Variants in HIPK2 observed in about 807,000 individuals in gnomAD.
HIPK2 encodes homeodomain interacting protein kinase 2.
A neutral mutation model predicts 113.7 loss-of-function variants in HIPK2; 27 were observed. That is an observed-to-expected ratio of 0.24 (90% CI 0.17 to 0.33). The LOEUF (loss-of-function observed/expected upper bound fraction) is 0.33. Among genes scored for constraint, HIPK2 ranks in the 10% least tolerant of loss-of-function variants. The probability of loss-of-function intolerance (pLI) is 1.00; values close to 1 mark genes in which losing one functional copy is unlikely to be tolerated. For missense variants in HIPK2, 1,257 were observed against 1,588.0 expected, an observed-to-expected ratio of 0.79 and a Z score of 3.54; for synonymous variants, 631 against 642.2, an observed-to-expected ratio of 0.98 and a Z score of 0.26.
intron 2 of HIPK2, among the ~76,000 whole-genome samples, chr7:139,656,873 A>ATT (rs879279871): frequency 3.2e-4 from 45 of 141,606 alleles, no homozygotes; most frequent in African/African-American, 1.1e-3. Context: ...TTCTACCTCC[A>ATT]TTTTTTTTTT....
At chr7:139,587,195 A>T (rs911018072) in intron 12 of HIPK2, among the ~76,000 whole-genome samples, 1 of 152,166 alleles carries the variant, frequency 6.6e-6, no homozygotes, top group Non-Finnish European at 1.5e-5. Flanking sequence ...ATCTCCATCA[A>T]AAACAAAGTC....
intron 2 of HIPK2, among the ~76,000 whole-genome samples, chr7:139,715,115 C>T (rs908558857): frequency 2.6e-5 from 4 of 152,200 alleles, no homozygotes; most frequent in African/African-American, 9.7e-5. Flanking sequence ...GAAAAGCTTC[C>T]AGATACCCCA....
At chr7:139,577,533 A>T (rs1798532865) in intron 13 of HIPK2, among the ~76,000 whole-genome samples, 1 of 152,150 alleles carries the variant, frequency 6.6e-6, no homozygotes, top group African/African-American at 2.4e-5. Context: ...CCTTTCTCTA[A>T]CTTCAATGAC....
chr7:139,695,074 C>T (rs1396245445), intron 2 of HIPK2, among the ~76,000 whole-genome samples: 7 of 152,314 alleles, frequency 4.6e-5, no homozygotes, highest in South Asian at 2.1e-4. Context: ...CTGCGAGGTT[C>T]GCCATTTTGT....
chr7:139,711,323 G>A (rs1469394685), intron 2 of HIPK2, among the ~76,000 whole-genome samples: 3 of 152,160 alleles, frequency 2.0e-5, no homozygotes, highest in Non-Finnish European at 4.4e-5. Context: ...AGCTACTCAG[G>A]AGGCTGAAGC....
intron 2 of HIPK2, among the ~76,000 whole-genome samples, chr7:139,650,370 G>C (rs1003479857): frequency 1.6e-4 from 23 of 141,916 alleles, no homozygotes; most frequent in African/African-American, 5.4e-4. Context: ...AAAAAAAAAA[G>C]GATATTTAAT....
Position 139,649,467 on chromosome 7 carries a change from G to A in HIPK2, c.1104-17742C>T, listed in dbSNP as rs188579578. 4.4e-3 allele frequency among the ~76,000 whole-genome samples: 676 copies of A among 152,228 alleles called. 3 individuals are homozygous for A. Among genetic ancestry groups the A allele is most frequent in the Admixed American group, 7.3e-3 (112 of 15,290 alleles). On this transcript the variant is annotated intron_variant, in intron 2 of 14. Transcript: ENST00000406875. ...TGGGGCACCTTTTCTTCCCCTTCAC[G>A]TTTTTATTCAGGCAAAATCTGGTTA... is the stretch of plus-strand genomic sequence containing the variant.
At chr7:139,639,141 C>T (rs1447791010) in intron 2 of HIPK2, among the ~76,000 whole-genome samples, 7 of 152,256 alleles carry the variant, frequency 4.6e-5, no homozygotes, top group Admixed American at 1.3e-4. Context: ...CCCATTTGGC[C>T]CCCAGGAATC....
rs966508619 is a variant in HIPK2, at chr7:139,683,509, G to C, written c.1103+32423C>G. On this transcript the variant is annotated intron_variant, in intron 2 of 14. Coordinates refer to ENST00000406875, the MANE Select transcript of HIPK2 (RefSeq NM_022740.5). The surrounding 1 kb of genome is among the most constrained non-coding windows in gnomAD (Gnocchi z 4.2). The stretch of plus-strand genomic sequence containing the variant: ...CAAAGCGAGAAATACCAGAGAGAGA[G>C]ACACACGCATACCAAGACAGAAGCT... Among the ~76,000 whole-genome samples the C allele has an allele frequency of 2.0e-4, 30 of 152,140 alleles. No homozygotes were observed. The highest frequency in any genetic ancestry group is 6.5e-5 in the Admixed American group (1 of 15,282).
intron 1 of HIPK2, among the ~76,000 whole-genome samples, chr7:139,752,941 G>A (rs1224787677): frequency 6.6e-6 from 1 of 152,150 alleles, no homozygotes; most frequent in Non-Finnish European, 1.5e-5. Context: ...AAACGAGGCA[G>A]AAATGAGCAC....
chr7:139,620,812 A>G (rs567977931), intron 6 of HIPK2, among the ~76,000 whole-genome samples: 5 of 152,232 alleles, frequency 3.3e-5, no homozygotes, highest in Non-Finnish European at 5.9e-5. Flanking sequence ...TAGGTTCTAT[A>G]TATCACAACA....
At chr7:139,711,257 C>G (rs2116918271) in intron 2 of HIPK2, among the ~76,000 whole-genome samples, 1 of 152,242 alleles carries the variant, frequency 6.6e-6, no homozygotes, top group Non-Finnish European at 1.5e-5. Context: ...GAAACCCCAT[C>G]TCTACTAAAA....
intron 11 of HIPK2, among the ~76,000 whole-genome samples, chr7:139,597,892 T>C (rs1234298899): frequency 6.6e-6 from 1 of 152,222 alleles, no homozygotes; most frequent in African/African-American, 2.4e-5. Context: ...CCTGAAATGC[T>C]TGGTCCAGAA....
chr7:139,593,551 GA>G (rs113334330), intron 12 of HIPK2, among the ~76,000 whole-genome samples: 68 of 152,314 alleles, frequency 4.5e-4, no homozygotes, highest in African/African-American at 1.5e-3. Flanking sequence ...GAGGTTTAGT[GA>G]CACCCTCAAT....
intron 5 of HIPK2, among the ~76,000 whole-genome samples, chr7:139,628,499 G>A (rs1354788559): frequency 2.5e-4 from 38 of 152,142 alleles, no homozygotes; most frequent in Admixed American, 2.5e-3. Flanking sequence ...CTGGAGTGCA[G>A]TGGTGTGATC....
At chr7:139,771,880 G>A (rs1261300712) in intron 1 of HIPK2, among the ~76,000 whole-genome samples, 1 of 152,166 alleles carries the variant, frequency 6.6e-6, no homozygotes, top group East Asian at 1.9e-4. Flanking sequence ...GAAAGGAATT[G>A]AGTAAAAGAA....
intron 2 of HIPK2, among the ~76,000 whole-genome samples, chr7:139,653,468 C>T (rs1017510414): frequency 6.6e-5 from 10 of 150,836 alleles, no homozygotes; most frequent in South Asian, 2.1e-4. Context: ...ACCGCCATCT[C>T]GTATGGTAAA....
chr7:139,744,282 C>T (rs1569484089), intron 1 of HIPK2, among the ~76,000 whole-genome samples: 1 of 152,186 alleles, frequency 6.6e-6, no homozygotes, highest in East Asian at 1.9e-4. Context: ...GGATGAACCT[C>T]AAAAACATCA....
intron 1 of HIPK2, among the ~76,000 whole-genome samples, chr7:139,742,957 T>C (rs1029922236): frequency 1.3e-5 from 2 of 152,174 alleles, no homozygotes; most frequent in Non-Finnish European, 1.5e-5. Flanking sequence ...ATCAAATCCA[T>C]GTCTAAGGAA....
Sources: gnomAD v4.1 joint callset for allele counts (sites outside exome capture counted in the v4.1 genomes callset) on GRCh38, gnomAD v4.1.1 for gene constraint, Gnocchi (gnomAD v3.1) non-coding constraint, MANE v1.5 for transcripts, NCBI Gene and HGNC (gene_info 2026-07-23, HGNC 2026-07-21) for gene names.